MGAM2: variants seen among roughly 807,000 people sequenced by gnomAD.
The protein encoded by MGAM2 is probable maltase-glucoamylase 2.
In MGAM2, 98 loss-of-function variants were observed where a neutral mutation model predicts 96.1. The observed-to-expected ratio is 1.02, with a 90% confidence interval of 0.87 to 1.21. The LOEUF (loss-of-function observed/expected upper bound fraction) is 1.21. MGAM2 is among the 50% of genes most tolerant of loss of function. The pLI, the probability that MGAM2 is intolerant of heterozygous loss-of-function variation, is 0.00. For synonymous variants in MGAM2, 749 were observed against 414.8 expected (o/e 1.81, Z -9.79); for missense variants, 2,055 against 1,182.4 (o/e 1.74, Z -10.82).
At chr7:142,113,364 A>T (rs1310012093) in intron 1 of MGAM2, among the ~76,000 whole-genome samples, 1 of 152,164 alleles carries the variant, frequency 6.6e-6, no homozygotes, top group Non-Finnish European at 1.5e-5. Flanking sequence ...TTTTTGGTTT[A>T]TTCAGAGATC....
rs926158093 is a variant in MGAM2 at position 142,145,063 on chromosome 7, C to T, written c.1516+118C>T. 7 of 607,758 alleles carry T rather than the reference C, an allele frequency of 1.2e-5. No individual in the cohort carries two copies. In the African/African-American group the frequency reaches 1.3e-4, roughly 11 times the overall value. 37.6% of individuals were successfully genotyped at this position (607,758 alleles called of 1,614,324 possible). ...CTAGTCCAAGGGGTCTCCTAAACAT[C>T]CTGAGCACTCCTCTGCCGAAGTCTC... On this transcript the variant is annotated intron_variant, in intron 14 of 47. Transcript: ENST00000477922.
intron 24 of MGAM2, 134 bp from the exon 25 acceptor site, chr7:142,165,964 G>T (rs1796016135): frequency 1.8e-6 from 1 of 566,770 alleles, no homozygotes; most frequent in Non-Finnish European, 3.1e-6. Context: ...GCCAAGTTCT[G>T]AATATCTCAT....
At chr7:142,178,805 A>T (rs1277111457) in intron 32 of MGAM2, among the ~76,000 whole-genome samples, 1 of 152,210 alleles carries the variant, frequency 6.6e-6, no homozygotes, top group Non-Finnish European at 1.5e-5. Context: ...TATGTGAAAA[A>T]TGACATTTGT....
At position 142,127,676 on chromosome 7, in the gene MGAM2, T is replaced by C. The variant is rs536737319; in HGVS notation, c.187-3272T>C. Among the ~76,000 whole-genome samples, 27 of 152,276 alleles carry C rather than the reference T, an allele frequency of 1.8e-4. 1 individual carries two copies. The South Asian group carries it at 4.8e-3, about 27-fold the overall frequency. On this transcript the variant is annotated intron_variant, in intron 3 of 47. Coordinates refer to ENST00000477922, the MANE Select transcript of MGAM2 (RefSeq NM_001293626.2). ...AGTGAATAAGTCTCATGAGATCTGA[T>C]GGTTTTATAAAGGGGAGTTCCCCTG...
In MGAM2 at chr7:142,117,983, G is replaced by A. The variant is rs1409350465; in HGVS notation, c.106+1004G>A. ...AAGATGTATTTCCATGGGTTGAAAGGGGGGCTTTAAAATCAATTTGTTTTT... is the reference window on the plus strand; with the variant it reads ...AAGATGTATTTCCATGGGTTGAAAGAGGGGCTTTAAAATCAATTTGTTTTT... On this transcript the variant is annotated intron_variant, in intron 2 of 47. Transcript: ENST00000477922. Among the ~76,000 whole-genome samples the A allele has an allele frequency of 2.0e-5, 3 of 150,834 alleles. No individual in the cohort carries two copies. The South Asian group carries it at 6.3e-4, about 32-fold the overall frequency.
intron 33 of MGAM2, among the ~76,000 whole-genome samples, chr7:142,183,949 CCTTT>C (rs1796615975): frequency 2.4e-5 from 2 of 83,196 alleles, no homozygotes; most frequent in Non-Finnish European, 5.2e-5. Context: ...ATTCCAGGCT[CCTTT>C]TTTTTTTTTT....
intron 38 of MGAM2, 106 bp from the exon 39 acceptor site, chr7:142,196,459 A>G (rs550514268): frequency 1.0e-5 from 7 of 671,864 alleles, no homozygotes; most frequent in Non-Finnish European, 1.9e-5. Context: ...TAATATTTTC[A>G]TCATGGTCCA....
At chr7:142,219,732 CAAAA>C in intron 47 of MGAM2, 134 bp from the exon 48 acceptor site, 1 of 593,270 alleles carries the variant, frequency 1.7e-6, no homozygotes, top group South Asian at 2.1e-5. Flanking sequence ...TGACCTAACC[CAAAA>C]AGGAATGTTT....
chr7:142,152,171 T>TAA (rs35193680), intron 15 of MGAM2, among the ~76,000 whole-genome samples: 39 of 145,428 alleles, frequency 2.7e-4, no homozygotes, highest in African/African-American at 8.6e-4. Flanking sequence ...TTAAGATGTT[T>TAA]AAAAAAAAAA....
Position 142,131,573 on chromosome 7 carries a change from C to A in MGAM2, c.366C>A (p.Val122=), listed in dbSNP as rs557476228. 3 of 702,914 alleles carry A rather than the reference C, an allele frequency of 4.3e-6. No individual in the cohort carries two copies. Among genetic ancestry groups the A allele is most frequent in the South Asian group, 1.5e-5 (1 of 67,606 alleles). The allele number at this position is 702,914 out of a possible 1,614,324, so 43.5% of individuals were successfully genotyped here. ...CACCATCTCTGTTTGGAAATGATGT[C>A]GCCACCACCCTTTTCACAGCTGAAT... ...LPSPSLFGND[V]ATTLFTAEYQ... is the part of the protein sequence containing the mutation. Residue 122 remains valine (V), a synonymous_variant, in exon 5 of 48, where the codon GTC becomes GTA. Transcript: ENST00000477922.
rs752736664 is a variant in MGAM2 at position 142,167,312 on chromosome 7, C to T, written c.2853C>T (p.Ile951=). 1.4e-4 allele frequency: 101 copies of T among 702,524 alleles called. No individual in the cohort carries two copies. The highest frequency in any genetic ancestry group is 1.1e-3 in the Middle Eastern group (5 of 4,382). The allele number at this position is 702,524 out of a possible 1,614,324, so 43.5% of individuals were successfully genotyped here. A position where few individuals can be genotyped will look rare whatever the true frequency, so the allele number is the denominator to read the frequency against. ...TGCCCACCTGTTACTATGACACCAT[C>T]CCTAATTATGTTGCTAGTGATATTC... The part of the protein sequence containing the change: ...PGVPTCYYDT[I]PNYVASDIQY... The change falls in exon 26 of 48, where the codon ATC becomes ATT. Residue 951 remains isoleucine (I), a synonymous_variant. Coordinates refer to ENST00000477922, the MANE Select transcript of MGAM2 (RefSeq NM_001293626.2).
chr7:142,147,381 A>G, intron 14 of MGAM2, 75 bp from the exon 15 acceptor site: 1 of 642,690 alleles, frequency 1.6e-6, no homozygotes, highest in Non-Finnish European at 2.8e-6. Flanking sequence ...GTAATCAGGA[A>G]GAAAATAGTT....
Position 142,170,962 on chromosome 7 carries a change from A to G in MGAM2, c.3183-310A>G, listed in dbSNP as rs541252361. Among the ~76,000 whole-genome samples, 5 of 152,320 alleles carry G rather than the reference A, an allele frequency of 3.3e-5. No individual in the cohort carries two copies. In the East Asian group the frequency reaches 7.7e-4, roughly 24 times the overall value. ...GCTTAAACTCTATTTGTTTATTTAT[A>G]TATTTACTCAAGCTGATATTCCAGG... On this transcript the variant is annotated intron_variant, in intron 27 of 47. Coordinates refer to ENST00000477922, the MANE Select transcript of MGAM2 (RefSeq NM_001293626.2).
intron 22 of MGAM2, 43 bp from the exon 23 acceptor site, chr7:142,161,912 G>T (rs1173643788): frequency 1.5e-6 from 1 of 663,402 alleles, no homozygotes; most frequent in South Asian, 1.7e-5. Flanking sequence ...CTCCCTGGCT[G>T]ATTGGCTTCC....
At position 142,154,007 on chromosome 7, in the gene MGAM2, T is replaced by C. The variant is rs556765166; in HGVS notation, c.1635-11T>C. 1.3e-4 allele frequency: 84 copies of C among 641,832 alleles called. No homozygotes were observed. The highest frequency in any genetic ancestry group is 2.2e-4 in the Non-Finnish European group (76 of 343,654). The allele number at this position is 641,832 out of a possible 1,614,324, so 39.8% of individuals were successfully genotyped here. A position where few individuals can be genotyped will look rare whatever the true frequency, so the allele number is the denominator to read the frequency against. On this transcript the variant is annotated splice_polypyrimidine_tract_variant and intron_variant, in intron 15 of 47. Transcript: ENST00000477922. ...CCCACCTCACACTCCACTGGATGTATTCCTTTCCAGAGCCCTGGAGACCAT... is the reference window on the plus strand; with the variant it reads ...CCCACCTCACACTCCACTGGATGTACTCCTTTCCAGAGCCCTGGAGACCAT...
intron 45 of MGAM2, among the ~76,000 whole-genome samples, chr7:142,202,523 G>A (rs891476278): frequency 1.3e-5 from 2 of 152,104 alleles, no homozygotes; most frequent in Non-Finnish European, 2.9e-5. Context: ...TTATGTCCAT[G>A]TGTACTCAGT....
Position 142,170,056 on chromosome 7 carries a change from T to G in MGAM2, c.3028-19T>G, listed in dbSNP as rs557365111. On this transcript the variant is annotated intron_variant, in intron 26 of 47. Transcript: ENST00000477922. The stretch of plus-strand genomic sequence containing the variant: ...GGTCTGAGACCCTAACAGAAAGTTT[T>G]CTTCTCTCTTCTTGCCAGATCTATG... 1.5e-6 allele frequency: 1 copy of G among 688,308 alleles called. No homozygotes were observed. The highest frequency in any genetic ancestry group is 2.6e-6 in the Non-Finnish European group (1 of 379,558). The allele number at this position is 688,308 out of a possible 1,614,324, so 42.6% of individuals were successfully genotyped here.
chr7:142,154,395 T>C (rs1245256820), intron 16 of MGAM2, among the ~76,000 whole-genome samples: 1 of 152,230 alleles, frequency 6.6e-6, no homozygotes, highest in African/African-American at 2.4e-5. Context: ...ATGGAATCTC[T>C]GAAGATAGGA....
At chr7:142,154,337 T>G (rs1438728229) in intron 16 of MGAM2, 148 bp downstream of exon 16, 30 of 479,346 alleles carry the variant, frequency 6.3e-5, no homozygotes, top group Non-Finnish European at 2.2e-5. Context: ...TTACGTGAGC[T>G]GCCTTCTGAA....
Sources: gnomAD v4.1 joint callset for allele counts (sites outside exome capture counted in the v4.1 genomes callset) on GRCh38, gnomAD v4.1.1 for gene constraint, MANE v1.5 for transcripts, NCBI Gene and HGNC (gene_info 2026-07-23, HGNC 2026-07-21) for gene names.